The following NFIC variants were observed in gnomAD, a reference collection of about 807,000 sequenced individuals.
NFIC encodes the protein nuclear factor I C.
A neutral mutation model predicts 54.4 loss-of-function variants in NFIC; 12 were observed. That is an observed-to-expected ratio of 0.22 (90% CI 0.14 to 0.36). NFIC has a LOEUF of 0.36. Ranked by LOEUF, NFIC falls within the 10% of genes least tolerant of loss-of-function variation. The pLI is 1.00. For missense variants in NFIC, 575 were observed against 718.2 expected (o/e 0.80, Z 2.28); for synonymous variants, 322 against 319.2 (o/e 1.01, Z -0.09).
In NFIC at chr19:3,463,266, C is replaced by A. The variant is rs1346406274; in HGVS notation, c.*497C>A. 1.0e-6 allele frequency: 1 copy of A among 990,392 alleles called. No homozygotes were observed. Among genetic ancestry groups the A allele is most frequent in the Non-Finnish European group, 1.2e-6 (1 of 833,722 alleles). The allele number at this position is 990,392 out of a possible 1,614,324, so 61.4% of individuals were successfully genotyped here. ...CGCGACACCCAGCAAGGCCACCTCT[C>A]CCCGGGCCCCCGCGCCTCTGCCGGA... On this transcript the variant is annotated 3_prime_UTR_variant, in exon 11 of 11. Transcript: ENST00000443272.
chr19:3,394,519 ACCCAC>A (rs1310499824), intron 2 of NFIC, among the ~76,000 whole-genome samples: 1 of 47,310 alleles, frequency 2.1e-5, no homozygotes, highest in African/African-American at 1.4e-4. Flanking sequence ...TCTTTTCCCC[ACCCAC>A]CCCCCACCCG....
In NFIC at chr19:3,458,033, C is replaced by G. The variant is rs548037736; in HGVS notation, c.1509+1398C>G. 5.9e-5 allele frequency: 9 copies of G among 152,484 alleles called. 1 individual carries two copies. The East Asian group carries it at 1.2e-3, about 20-fold the overall frequency. 9.4% of individuals were successfully genotyped at this position (152,484 alleles called of 1,614,324 possible). A position where few individuals can be genotyped will look rare whatever the true frequency, so the allele number is the denominator to read the frequency against. ...GCTCACCCACTCTGAACCTCTGTCT[C>G]TTCCTCTGGCCTTGGGCACCCGCAC... On this transcript the variant is annotated intron_variant, in intron 10 of 10. Coordinates refer to ENST00000443272, the MANE Select transcript of NFIC (RefSeq NM_001245002.2). The surrounding 1 kb of genome is among the most constrained non-coding windows in gnomAD (Gnocchi z 4.1).
chr19:3,369,332 C>T lies in NFIC; in HGVS notation c.30+2666C>T, dbSNP rs1007352213. ...CTGTCTCTGCGTGTCTCCCCTTGCC[C>T]CCTCTCTCCCTGTCTCTCTCTATCT... On this transcript the variant is annotated intron_variant, in intron 1 of 10. Transcript: ENST00000443272. This position sits in a 1 kb window ranked among gnomAD's most constrained non-coding sequence, Gnocchi z 4.3. Among the ~76,000 whole-genome samples, 1 of 151,418 alleles carries T rather than the reference C, an allele frequency of 6.6e-6. No individual in the cohort carries two copies. The highest frequency in any genetic ancestry group is 1.5e-5 in the Non-Finnish European group (1 of 67,500).
Position 3,430,564 on chromosome 19 carries a change from C to A in NFIC, c.635-2954C>A, listed in dbSNP as rs114923200. ...TCATCCCCCCTAAAAGAAACCCCAT[C>A]CCCATCAGCCACCACTCCCTGTCTC... On this transcript the variant is annotated intron_variant, in intron 3 of 10. Transcript: ENST00000443272. Among the ~76,000 whole-genome samples the A allele has an allele frequency of 7.1e-3, 1,086 of 152,092 alleles. 18 individuals carry two copies. The highest frequency in any genetic ancestry group is 0.024 in the African/African-American group (1,003 of 41,500).
At chr19:3,440,875 A>G (rs1248509110) in intron 6 of NFIC, among the ~76,000 whole-genome samples, 1 of 152,156 alleles carries the variant, frequency 6.6e-6, no homozygotes, top group African/African-American at 2.4e-5. Flanking sequence ...TCTGTCGCCC[A>G]GGATGGAGTG....
chr19:3,389,800 T>G (rs1274537018), intron 2 of NFIC, among the ~76,000 whole-genome samples: 1 of 151,986 alleles, frequency 6.6e-6, no homozygotes, highest in African/African-American at 2.4e-5. Flanking sequence ...CTGACCAACA[T>G]GGAGAAACCC....
Position 3,439,226 on chromosome 19 carries a change from T to C in NFIC, c.958+4019T>C, listed in dbSNP as rs144056611. The stretch of plus-strand genomic sequence containing the variant: ...GGTGTACACCTGTAGTCCCAGCTCC[T>C]TGGGAGGCTGAGGTGAGAGGATTGC... On this transcript the variant is annotated intron_variant, in intron 6 of 10. Coordinates refer to ENST00000443272, the MANE Select transcript of NFIC (RefSeq NM_001245002.2). Among the ~76,000 whole-genome samples, 771 of 149,848 alleles carry C rather than the reference T, an allele frequency of 5.1e-3. 8 individuals carry two copies. Among genetic ancestry groups the C allele is most frequent in the African/African-American group, 0.017 (707 of 40,806 alleles).
At chr19:3,457,178 C>T (rs1461668413) in intron 10 of NFIC, among the ~76,000 whole-genome samples, 2 of 152,146 alleles carry the variant, frequency 1.3e-5, no homozygotes, top group African/African-American at 2.4e-5. Context: ...GGAGTCAGGG[C>T]GGAGAGGCTT....
chr19:3,432,190 C>A (rs1041826913), intron 3 of NFIC, among the ~76,000 whole-genome samples: 1 of 152,148 alleles, frequency 6.6e-6, no homozygotes, highest in South Asian at 2.1e-4. Context: ...GGGACAACTT[C>A]GATTTCCAAA....
chr19:3,410,251 A>G (rs1435149487), intron 2 of NFIC, among the ~76,000 whole-genome samples: 1 of 152,078 alleles, frequency 6.6e-6, no homozygotes, highest in Non-Finnish European at 1.5e-5. Context: ...CGTGTTAGCT[A>G]GGAGAACAAC....
chr19:3,366,354 G>A (rs936445455), upstream of NFIC, among the ~76,000 whole-genome samples: 4 of 150,952 alleles, frequency 2.6e-5, no homozygotes, highest in Non-Finnish European at 5.9e-5. Flanking sequence ...GGGGTGGGAG[G>A]GGGAGGGTGT....
At position 3,391,843 on chromosome 19, in the gene NFIC, C is replaced by T. The variant is rs112783774; in HGVS notation, c.562+9600C>T. On this transcript the variant is annotated intron_variant, in intron 2 of 10. Coordinates refer to ENST00000443272, the MANE Select transcript of NFIC (RefSeq NM_001245002.2). ...AACAATGTAATAATTAGTAATATGT[C>T]ATATATAATCATGGAACAATAAATA... 9.0e-3 allele frequency among the ~76,000 whole-genome samples: 1,371 copies of T among 152,042 alleles called. 20 individuals are homozygous for T. The highest frequency in any genetic ancestry group is 0.031 in the African/African-American group (1,285 of 41,444).
At chr19:3,457,394 G>T (rs2082575728) in intron 10 of NFIC, among the ~76,000 whole-genome samples, 3 of 152,144 alleles carry the variant, frequency 2.0e-5, no homozygotes, top group Admixed American at 2.0e-4. Flanking sequence ...GTAGTCTAGG[G>T]AGTGGGGGCG....
intron 6 of NFIC, among the ~76,000 whole-genome samples, chr19:3,445,082 C>T (rs534773519): frequency 3.9e-5 from 6 of 152,224 alleles, no homozygotes; most frequent in Non-Finnish European, 5.9e-5. Context: ...GGCGTGCACA[C>T]GTCCACATAT....
intron 2 of NFIC, among the ~76,000 whole-genome samples, chr19:3,420,584 T>TAAATAAATAAAC (rs1242152519): frequency 6.6e-6 from 1 of 151,548 alleles, no homozygotes; most frequent in Non-Finnish European, 1.5e-5. Flanking sequence ...AATAAATAAA[T>TAAATAAATAAAC]AAAAGATACA....
intron 1 of NFIC, among the ~76,000 whole-genome samples, chr19:3,377,580 C>T (rs1415290006): frequency 1.3e-5 from 2 of 151,892 alleles, no homozygotes; most frequent in East Asian, 3.9e-4. Flanking sequence ...GGCTGAGAAA[C>T]TAGGTCCCAG....
chr19:3,426,728 C>G (rs945267687), intron 3 of NFIC, among the ~76,000 whole-genome samples: 1 of 152,132 alleles, frequency 6.6e-6, no homozygotes, highest in African/African-American at 2.4e-5. Flanking sequence ...CCACACAGAC[C>G]TCCTCGCCGT....
In NFIC at chr19:3,372,000, T is replaced by TCTCTCTCC. The variant is rs2081027814; in HGVS notation, c.30+5341_30+5342insCCTCTCTC. Among the ~76,000 whole-genome samples the TCTCTCTCC allele has an allele frequency of 4.9e-5, 2 of 41,050 alleles. 1 individual carries two copies. Among genetic ancestry groups the TCTCTCTCC allele is most frequent in the Non-Finnish European group, 8.0e-5 (2 of 25,016 alleles). 26.9% of individuals were successfully genotyped at this position (41,050 alleles called of 152,430 possible). A position where few individuals can be genotyped will look rare whatever the true frequency, so the allele number is the denominator to read the frequency against. On this transcript the variant is annotated intron_variant, in intron 1 of 10. Transcript: ENST00000443272. ...TTCTCTCTCTCTCCCTCTCTCTCCC[T>TCTCTCTCC]CTCTCTCTCTCTCTCTCTCTCTCTC...
At chr19:3,443,123 C>T (rs938697659) in intron 6 of NFIC, among the ~76,000 whole-genome samples, 1 of 152,142 alleles carries the variant, frequency 6.6e-6, no homozygotes, top group Non-Finnish European at 1.5e-5. Flanking sequence ...GGCTGAGAAA[C>T]CTGTATTAAT....
Sources: gnomAD v4.1 joint callset for allele counts (sites outside exome capture counted in the v4.1 genomes callset) on GRCh38, gnomAD v4.1.1 for gene constraint, Gnocchi (gnomAD v3.1) non-coding constraint, MANE v1.5 for transcripts, NCBI Gene and HGNC (gene_info 2026-07-23, HGNC 2026-07-21) for gene names.